CADM1: variants seen among roughly 807,000 people sequenced by gnomAD.
The protein encoded by CADM1 is cell adhesion molecule 1.
Under a neutral mutation model 53.1 loss-of-function variants are expected in CADM1, and 15 were observed. That is an observed-to-expected ratio of 0.28 (90% CI 0.19 to 0.44). The LOEUF (loss-of-function observed/expected upper bound fraction) is 0.44, where lower values mean the gene tolerates loss of function less well. Among genes scored for constraint, CADM1 ranks in the 20% least tolerant of loss-of-function variants. The pLI is 1.00. For synonymous variants in CADM1, 281 were observed against 243.0 expected (o/e 1.16, Z -1.45); for missense variants, 434 against 611.3 (o/e 0.71, Z 3.06).
At chr11:115,420,262 G>A (rs889136431) in intron 1 of CADM1, among the ~76,000 whole-genome samples, 1 of 152,206 alleles carries the variant, frequency 6.6e-6, no homozygotes, top group Non-Finnish European at 1.5e-5. Flanking sequence ...CACCACACAA[G>A]CAAGGGGACA....
chr11:115,327,692 A>G (rs1177232869), intron 1 of CADM1, among the ~76,000 whole-genome samples: 2 of 152,178 alleles, frequency 1.3e-5, no homozygotes, highest in African/African-American at 4.8e-5. Flanking sequence ...ACAAGAGTTC[A>G]AAATACGGCA....
intron 1 of CADM1, among the ~76,000 whole-genome samples, chr11:115,379,420 T>C (rs1302925601): frequency 4.6e-5 from 7 of 152,198 alleles, no homozygotes; most frequent in Non-Finnish European, 4.4e-5. Context: ...AGAAATTCAG[T>C]CCAGCATGGG....
intron 10 of CADM1, 23 bp downstream of exon 10, chr11:115,190,865 C>G: frequency 1.3e-6 from 2 of 1,588,072 alleles, no homozygotes; most frequent in Non-Finnish European, 1.7e-6. Context: ...ACTGCAGTGC[C>G]TTACCTAATG....
intron 1 of CADM1, among the ~76,000 whole-genome samples, chr11:115,374,394 T>G (rs1946386642): frequency 6.6e-6 from 1 of 152,202 alleles, no homozygotes; most frequent in Non-Finnish European, 1.5e-5. Flanking sequence ...ACTAATTATT[T>G]TGAAAATCAG....
At chr11:115,403,033 A>G (rs753823771) in intron 1 of CADM1, among the ~76,000 whole-genome samples, 3 of 152,250 alleles carry the variant, frequency 2.0e-5, no homozygotes, top group African/African-American at 7.2e-5. Context: ...ACAAAGAGAA[A>G]AACAGTAACT....
chr11:115,337,936 G>A (rs2135235567), intron 1 of CADM1, among the ~76,000 whole-genome samples: 3 of 152,234 alleles, frequency 2.0e-5, no homozygotes, highest in Admixed American at 2.0e-4. Context: ...TTTGACTCCG[G>A]CTTTTAAGAG....
At chr11:115,396,903 C>A (rs1591777256) in intron 1 of CADM1, 2 of 151,558 alleles carry the variant, frequency 1.3e-5, no homozygotes, top group African/African-American at 2.4e-5. Flanking sequence ...TAAGTCAAAA[C>A]CTTAGCATTA....
Position 115,328,089 on chromosome 11 carries a change from T to C in CADM1, c.125-87669A>G, listed in dbSNP as rs548641844. Among the ~76,000 whole-genome samples the C allele has an allele frequency of 3.9e-5, 6 of 152,292 alleles. No homozygotes were observed. In the East Asian group the frequency reaches 1.2e-3, roughly 29 times the overall value. Reference sequence around the variant, plus strand: ...TCCAAATTATATACTAAGATCTTCTTTCTGAGTTAATTTTCCTAGCTGCTT... The same window carrying C: ...TCCAAATTATATACTAAGATCTTCTCTCTGAGTTAATTTTCCTAGCTGCTT... On this transcript the variant is annotated intron_variant, in intron 1 of 11. Transcript: ENST00000331581.
intron 1 of CADM1, among the ~76,000 whole-genome samples, chr11:115,327,197 A>G (rs1944980200): frequency 6.6e-6 from 1 of 152,154 alleles, no homozygotes; most frequent in Non-Finnish European, 1.5e-5. Flanking sequence ...ACTCCATGAC[A>G]TAAGCAGTGT....
intron 1 of CADM1, among the ~76,000 whole-genome samples, chr11:115,308,175 G>GTGTGTGTGTGTGTGTA (rs1353212174): frequency 1.7e-5 from 2 of 117,432 alleles, no homozygotes; most frequent in African/African-American, 7.5e-5. Flanking sequence ...GTGTGTGTGT[G>GTGTGTGTGTGTGTGTA]TATATCACTC....
intron 1 of CADM1, among the ~76,000 whole-genome samples, chr11:115,408,939 A>C (rs1947385351): frequency 6.6e-6 from 1 of 152,224 alleles, no homozygotes; most frequent in African/African-American, 2.4e-5. Context: ...ATCCGGTAAT[A>C]TGAAATAAAC....
chr11:115,408,406 G>A (rs1451287561), intron 1 of CADM1, among the ~76,000 whole-genome samples: 1 of 152,098 alleles, frequency 6.6e-6, no homozygotes, highest in East Asian at 1.9e-4. Context: ...TCAAGATCTG[G>A]GACTGAAACC....
chr11:115,328,733 CATATATATAT>C (rs1222652729), intron 1 of CADM1, among the ~76,000 whole-genome samples: 10 of 111,028 alleles, frequency 9.0e-5, no homozygotes, highest in African/African-American at 3.5e-4. Flanking sequence ...TATGTATATA[CATATATATAT>C]ATATAGAATC....
intron 1 of CADM1, among the ~76,000 whole-genome samples, chr11:115,414,836 A>T (rs112733571): frequency 1.3e-5 from 2 of 152,224 alleles, no homozygotes; most frequent in Non-Finnish European, 2.9e-5. Context: ...TAAATATAAA[A>T]GGTATTCCTC....
chr11:115,457,978 T>C (rs192360255), intron 1 of CADM1, among the ~76,000 whole-genome samples: 82 of 152,172 alleles, frequency 5.4e-4, no homozygotes, highest in African/African-American at 2.0e-3. Context: ...CAGCAGGAAA[T>C]TGAACTAGAG....
intron 1 of CADM1, among the ~76,000 whole-genome samples, chr11:115,302,825 A>T (rs1434603253): frequency 1.3e-5 from 2 of 152,052 alleles, no homozygotes; most frequent in African/African-American, 4.8e-5. Flanking sequence ...TTGGTGACCC[A>T]ACGGTGGCAG....
At chr11:115,214,142 T>C (rs912582103) in intron 7 of CADM1, among the ~76,000 whole-genome samples, 1 of 152,230 alleles carries the variant, frequency 6.6e-6, no homozygotes, top group Non-Finnish European at 1.5e-5. Flanking sequence ...CTTGTATTTG[T>C]TCTGAGTATT....
Position 115,175,499 on chromosome 11 carries a change from G to C in CADM1, c.*975C>G. 2 of 985,504 alleles carry C rather than the reference G, an allele frequency of 2.0e-6. No homozygotes were observed. The highest frequency in any genetic ancestry group is 2.4e-6 in the Non-Finnish European group (2 of 829,950). The allele number at this position is 985,504 out of a possible 1,614,324, so 61.0% of individuals were successfully genotyped here. On this transcript the variant is annotated 3_prime_UTR_variant, in exon 12 of 12. Transcript: ENST00000331581. Reference sequence around the variant, plus strand: ...AAGGTGGATGGAATCATTTGGAACAGAAACAACCAGAGCAGAACTGTATTT... The same window carrying C: ...AAGGTGGATGGAATCATTTGGAACACAAACAACCAGAGCAGAACTGTATTT...
At chr11:115,237,633 C>T (rs147322883) in intron 3 of CADM1, among the ~76,000 whole-genome samples, 1 of 152,248 alleles carries the variant, frequency 6.6e-6, no homozygotes, top group East Asian at 1.9e-4. Flanking sequence ...ATCATCTTCC[C>T]GAAGGTGTAA....
Sources: gnomAD v4.1 joint callset for allele counts (sites outside exome capture counted in the v4.1 genomes callset) on GRCh38, gnomAD v4.1.1 for gene constraint, MANE v1.5 for transcripts, NCBI Gene and HGNC (gene_info 2026-07-23, HGNC 2026-07-21) for gene names.